Variants in ZNF282 observed in about 807,000 individuals in gnomAD.
The protein encoded by ZNF282 is zinc finger protein 282.
In ZNF282, 30 loss-of-function variants were observed where a neutral mutation model predicts 61.9. The observed-to-expected ratio is 0.48, with a 90% confidence interval of 0.36 to 0.66. The LOEUF (loss-of-function observed/expected upper bound fraction) is 0.66, where lower values mean the gene tolerates loss of function less well. ZNF282 is among the 30% of genes least tolerant of loss of function. The pLI, the probability that ZNF282 is intolerant of heterozygous loss-of-function variation, is 0.00. For missense variants in ZNF282, 788 were observed against 941.4 expected (o/e 0.84, Z 2.13); for synonymous variants, 396 against 405.0 (o/e 0.98, Z 0.27).
Position 149,224,201 on chromosome 7 carries a change from G to A in ZNF282, c.1570G>A (p.Gly524Ser). The A allele has an allele frequency of 6.2e-7, 1 of 1,607,072 alleles. No individual in the cohort carries two copies. Among genetic ancestry groups the A allele is most frequent in the Non-Finnish European group, 8.5e-7 (1 of 1,179,672 alleles). The change falls in exon 8 of 8, where the codon GGC (glycine) becomes AGC (serine). Residue 524 changes from glycine to serine, a missense_variant. Gly to Ser is a moderately conservative substitution (Grantham distance 56). Coordinates refer to ENST00000610704, the MANE Select transcript of ZNF282 (RefSeq NM_003575.4). ...RSKPYSCPEC[G>S]KSFGVRKSLI... ...CAAGCCCTACTCGTGCCCCGAGTGC[G>A]GCAAGAGCTTCGGCGTGCGCAAGAG...
chr7:149,206,779 TAAC>T lies in ZNF282; in HGVS notation c.673_675del (p.Asn225del). The stretch of plus-strand genomic sequence containing the variant: ...TGGACGAATGGCAGAAGGAGCTTTA[TAAC>T]AACCTTGTTAAGGAGAACTACAAAA... On this transcript the variant is annotated inframe_deletion, in exon 3 of 8. Coordinates refer to ENST00000610704, the MANE Select transcript of ZNF282 (RefSeq NM_003575.4). The T allele has an allele frequency of 1.2e-6, 2 of 1,614,226 alleles. No homozygotes were observed. Among genetic ancestry groups the T allele is most frequent in the Non-Finnish European group, 8.5e-7 (1 of 1,180,032 alleles).
At chr7:149,196,435 G>C (rs1409903481) in intron 1 of ZNF282, among the ~76,000 whole-genome samples, 1 of 152,086 alleles carries the variant, frequency 6.6e-6, no homozygotes, top group Non-Finnish European at 1.5e-5. Context: ...ATTTCTTCAG[G>C]CTCCATCGAT....
intron 2 of ZNF282, among the ~76,000 whole-genome samples, chr7:149,203,557 T>A (rs1202411): frequency 0.83 from 126,581 of 152,218 alleles, 53,304 homozygotes; most frequent in East Asian, 0.97. Context: ...GGGTCTTGCT[T>A]TGTTGCCGAG....
At position 149,198,549 on chromosome 7, in the gene ZNF282, A is replaced by G; in HGVS notation, c.382A>G (p.Thr128Ala). 6.2e-7 allele frequency: 1 copy of G among 1,614,170 alleles called. No individual in the cohort carries two copies. Among genetic ancestry groups the G allele is most frequent in the East Asian group, 2.2e-5 (1 of 44,880 alleles). Residue 128 changes from threonine to alanine, a missense_variant, in exon 2 of 8, where the codon ACA (threonine) becomes GCA (alanine). Around this residue, in one of 3 missense-constraint regions of ZNF282, gnomAD observed 92 missense variants for 163.9 expected, o/e 0.56. Transcript: ENST00000610704. This position sits in a 1 kb window ranked among gnomAD's most constrained non-coding sequence, Gnocchi z 4.3. The stretch of plus-strand genomic sequence containing the variant: ...GCTGAACCTGGAGGGGCGCACGGGG[A>G]CAGCCGAGAAGAAGCTGGCCGACTG... ...QLLNLEGRTGTAEKKLADCEK... is the reference protein window; with the variant it reads ...QLLNLEGRTGAAEKKLADCEK...
chr7:149,205,537 T>C (rs1795979322), intron 2 of ZNF282, among the ~76,000 whole-genome samples: 2 of 151,868 alleles, frequency 1.3e-5, no homozygotes, highest in South Asian at 4.2e-4. Context: ...GTCCAGTAGC[T>C]AAAGATTCTA....
Position 149,195,710 on chromosome 7 carries a change from C to A in ZNF282, c.121C>A (p.Pro41Thr). Residue 41 changes from proline to threonine, a missense_variant, in exon 1 of 8, where the codon CCG becomes ACG. Pro to Thr is a conservative substitution (Grantham distance 38). Coordinates refer to ENST00000610704, the MANE Select transcript of ZNF282 (RefSeq NM_003575.4). ...CCCGGAGGAGGTCTGCCACCAGGAGCCGGCGCTGCGCGGGGAAATGGCCGA... is the reference window on the plus strand; with the variant it reads ...CCCGGAGGAGGTCTGCCACCAGGAGACGGCGCTGCGCGGGGAAATGGCCGA... ...LPPEEVCHQE[P>T]ALRGEMAEGM... is the part of the protein sequence containing the mutation. 1 of 1,553,666 alleles carries A rather than the reference C, an allele frequency of 6.4e-7. No individual in the cohort carries two copies.
In ZNF282 at chr7:149,224,938, G is replaced by T; in HGVS notation, c.*291G>T. ...TCCTCGAGTGCCCTGGGACCACTGGGCCACAGATGGTCATCAGGGGAAGCC... is the reference window on the plus strand; with the variant it reads ...TCCTCGAGTGCCCTGGGACCACTGGTCCACAGATGGTCATCAGGGGAAGCC... On this transcript the variant is annotated 3_prime_UTR_variant, in exon 8 of 8. Coordinates refer to ENST00000610704, the MANE Select transcript of ZNF282 (RefSeq NM_003575.4). The T allele has an allele frequency of 2.4e-6, 1 of 423,374 alleles. No homozygotes were observed. Among genetic ancestry groups the T allele is most frequent in the Non-Finnish European group, 4.2e-6 (1 of 237,720 alleles). 26.2% of individuals were successfully genotyped at this position (423,374 alleles called of 1,614,324 possible). A position where few individuals can be genotyped will look rare whatever the true frequency, so the allele number is the denominator to read the frequency against.
chr7:149,198,784 G>A lies in ZNF282; in HGVS notation c.585+32G>A, dbSNP rs769266488. On this transcript the variant is annotated intron_variant, in intron 2 of 7. Coordinates refer to ENST00000610704, the MANE Select transcript of ZNF282 (RefSeq NM_003575.4). The surrounding 1 kb of genome is among the most constrained non-coding windows in gnomAD (Gnocchi z 4.3). ...GGTGGTCCCTGGGGCAGGGATAGAG[G>A]TGAGGAACAGCACAGGTGCATAAAA... 1 of 1,588,456 alleles carries A rather than the reference G, an allele frequency of 6.3e-7. No homozygotes were observed. The highest frequency in any genetic ancestry group is 1.4e-5 in the African/African-American group (1 of 73,618).
chr7:149,197,749 G>A (rs553419938), intron 1 of ZNF282, among the ~76,000 whole-genome samples: 79 of 152,336 alleles, frequency 5.2e-4, no homozygotes, highest in African/African-American at 1.9e-3. Context: ...CTGGGAAGGT[G>A]TGAGCCACTG....
chr7:149,202,421 C>T (rs1795926046), intron 2 of ZNF282, among the ~76,000 whole-genome samples: 1 of 152,100 alleles, frequency 6.6e-6, no homozygotes, highest in South Asian at 2.1e-4. Flanking sequence ...ACACCATTCT[C>T]CGGCCTCAGC....
intron 4 of ZNF282, among the ~76,000 whole-genome samples, chr7:149,207,821 G>C (rs1027056309): frequency 1.3e-5 from 2 of 152,208 alleles, no homozygotes; most frequent in African/African-American, 4.8e-5. Context: ...AGTCTGCGGC[G>C]CATGTGGGGT....
At chr7:149,218,734 A>G (rs977653934) in intron 7 of ZNF282, among the ~76,000 whole-genome samples, 1 of 152,118 alleles carries the variant, frequency 6.6e-6, no homozygotes, top group African/African-American at 2.4e-5. Context: ...CTCACTTCTG[A>G]CCAGCTGGCT....
intron 2 of ZNF282, among the ~76,000 whole-genome samples, chr7:149,204,055 G>A (rs1341247685): frequency 6.6e-6 from 1 of 152,168 alleles, no homozygotes; most frequent in East Asian, 1.9e-4. Flanking sequence ...GTTGAATGGG[G>A]CAGCAGTTAT....
intron 2 of ZNF282, among the ~76,000 whole-genome samples, chr7:149,200,645 G>A (rs544274045): frequency 2.0e-5 from 3 of 152,124 alleles, no homozygotes; most frequent in Admixed American, 2.0e-4. Flanking sequence ...GCCCAGACTG[G>A]AGTGCAGTGA....
At chr7:149,213,084 T>G (rs2129523470) in intron 6 of ZNF282, among the ~76,000 whole-genome samples, 1 of 152,320 alleles carries the variant, frequency 6.6e-6, no homozygotes, top group South Asian at 2.1e-4. Flanking sequence ...GCCCACGACC[T>G]ATGTGTGTGT....
At chr7:149,199,505 C>T (rs1784583996) in intron 2 of ZNF282, among the ~76,000 whole-genome samples, 1 of 152,068 alleles carries the variant, frequency 6.6e-6, no homozygotes, top group Non-Finnish European at 1.5e-5. Context: ...CTGTTCTGTC[C>T]TGCTGTCCGT....
chr7:149,212,769 A>T (rs995737687), intron 6 of ZNF282, among the ~76,000 whole-genome samples: 2 of 152,054 alleles, frequency 1.3e-5, no homozygotes, highest in Admixed American at 6.6e-5. Context: ...TTTAGTAGAG[A>T]TGGGGTTTCA....
At chr7:149,210,749 G>A in intron 5 of ZNF282, 45 bp downstream of exon 5, 2 of 1,506,280 alleles carry the variant, frequency 1.3e-6, no homozygotes, top group Admixed American at 2.4e-5. Context: ...GGGAGGGGAG[G>A]GGAGAGGGTT....
intron 5 of ZNF282, 89 bp from the exon 6 acceptor site, chr7:149,212,269 T>A: frequency 1.2e-6 from 1 of 823,182 alleles, no homozygotes; most frequent in Non-Finnish European, 1.9e-6. Flanking sequence ...AAGAGATAAT[T>A]GCATGAAATC....
Sources: gnomAD v4.1 joint callset for allele counts (sites outside exome capture counted in the v4.1 genomes callset) on GRCh38, gnomAD v4.1.1 for gene constraint, gnomAD v4.1.1 regional missense constraint, Gnocchi (gnomAD v3.1) non-coding constraint, MANE v1.5 for transcripts, NCBI Gene and HGNC (gene_info 2026-07-23, HGNC 2026-07-21) for gene names.